The following ZNF804B variants were observed in gnomAD, a reference collection of about 807,000 sequenced individuals.
ZNF804B encodes the protein zinc finger protein 804B, also known as zinc finger 804B.
Under a neutral mutation model 101.4 loss-of-function variants are expected in ZNF804B, and 80 were observed. The observed-to-expected ratio is 0.79, with a 90% CI of 0.66 to 0.95. ZNF804B has a LOEUF of 0.95. ZNF804B is among the 40% of genes least tolerant of loss of function. The probability of loss-of-function intolerance (pLI) is 0.00; values close to 1 mark genes in which losing one functional copy is unlikely to be tolerated. For synonymous variants in ZNF804B, 622 were observed against 558.8 expected, an observed-to-expected ratio of 1.11 and a Z score of -1.59; for missense variants, 1,673 against 1,561.9, an observed-to-expected ratio of 1.07 and a Z score of -1.20.
chr7:88,972,716 C>G (rs1793555606), intron 1 of ZNF804B, among the ~76,000 whole-genome samples: 1 of 150,956 alleles, frequency 6.6e-6, no homozygotes, highest in Non-Finnish European at 1.5e-5. Context: ...GAGTGATAAT[C>G]TCTACACTAT....
chr7:89,063,489 A>G (rs975803698), intron 1 of ZNF804B, among the ~76,000 whole-genome samples: 2 of 152,180 alleles, frequency 1.3e-5, no homozygotes, highest in Non-Finnish European at 1.5e-5. Flanking sequence ...GTATCATGCT[A>G]TGCAGAACTC....
At chr7:89,086,248 C>G (rs779821486) in intron 1 of ZNF804B, among the ~76,000 whole-genome samples, 1 of 151,860 alleles carries the variant, frequency 6.6e-6, no homozygotes, top group African/African-American at 2.4e-5. Context: ...CTGGGGATAA[C>G]AGAAAAGTAA....
At chr7:88,874,095 C>T (rs1415624085) in intron 1 of ZNF804B, among the ~76,000 whole-genome samples, 3 of 152,112 alleles carry the variant, frequency 2.0e-5, no homozygotes, top group South Asian at 4.1e-4. Flanking sequence ...ATTCTTCCTA[C>T]CCATGAGCAT....
intron 1 of ZNF804B, among the ~76,000 whole-genome samples, chr7:89,207,245 A>G (rs905944359): frequency 6.6e-6 from 1 of 152,226 alleles, no homozygotes; most frequent in African/African-American, 2.4e-5. Context: ...TAATAAAGAC[A>G]TACCTAAGAC....
In ZNF804B at chr7:89,336,845, C is replaced by T; in HGVS notation, c.3863C>T (p.Pro1288Leu). Residue 1288 changes from proline to leucine, a missense_variant, in exon 4 of 4, where the codon CCT becomes CTT. Physicochemically the swap from Pro to Leu is moderately conservative, Grantham distance 98 (BLOSUM62 -3). Coordinates refer to ENST00000333190, the MANE Select transcript of ZNF804B (RefSeq NM_181646.5). ...PSHITLQPLPPTAFIPTLFGP... is the reference protein window; with the variant it reads ...PSHITLQPLPLTAFIPTLFGP... Reference sequence around the variant, plus strand: ...CACATAACACTTCAGCCTCTGCCCCCTACAGCATTTATTCCTACATTGTTT... The same window carrying T: ...CACATAACACTTCAGCCTCTGCCCCTTACAGCATTTATTCCTACATTGTTT... 6.2e-7 allele frequency: 1 copy of T among 1,614,136 alleles called. No individual in the cohort carries two copies. The highest frequency in any genetic ancestry group is 8.5e-7 in the Non-Finnish European group (1 of 1,180,016).
At chr7:88,789,719 T>C (rs1047948442) in intron 1 of ZNF804B, among the ~76,000 whole-genome samples, 7 of 152,122 alleles carry the variant, frequency 4.6e-5, no homozygotes, top group Non-Finnish European at 5.9e-5. Flanking sequence ...TACTTGGCTA[T>C]GTGAGGTTGG....
At chr7:88,879,740 A>T (rs1424586669) in intron 1 of ZNF804B, among the ~76,000 whole-genome samples, 1 of 152,080 alleles carries the variant, frequency 6.6e-6, no homozygotes, top group East Asian at 1.9e-4. Context: ...GTGTAGGTAG[A>T]GTTAAAAGCC....
rs1789781791 is a variant in ZNF804B, at chr7:89,265,675, T to C, written c.249+47380T>C. On this transcript the variant is annotated intron_variant, in intron 2 of 3. Coordinates refer to ENST00000333190, the MANE Select transcript of ZNF804B (RefSeq NM_181646.5). ...GTAATCTCAAAATAAAATGACGCAG[T>C]TTAAAACAATAACAATTATTCAAAA... 2.0e-5 allele frequency among the ~76,000 whole-genome samples: 3 copies of C among 152,230 alleles called. 1 individual carries two copies. In the South Asian group the frequency reaches 6.2e-4, roughly 31 times the overall value.
intron 1 of ZNF804B, among the ~76,000 whole-genome samples, chr7:89,159,802 A>T (rs1791031688): frequency 1.3e-5 from 2 of 152,180 alleles, no homozygotes; most frequent in African/African-American, 4.8e-5. Flanking sequence ...TATGGTCTAC[A>T]GTCCTGCTTT....
intron 1 of ZNF804B, among the ~76,000 whole-genome samples, chr7:89,083,433 TATA>T (rs199837987): frequency 0.034 from 5,219 of 151,924 alleles, 133 homozygotes; most frequent in Non-Finnish European, 0.049. Flanking sequence ...GGGGAATGTC[TATA>T]ATGTTAGTGG....
At chr7:89,196,073 C>A (rs1044496343) in intron 1 of ZNF804B, among the ~76,000 whole-genome samples, 1 of 151,768 alleles carries the variant, frequency 6.6e-6, no homozygotes, top group African/African-American at 2.4e-5. Flanking sequence ...CATATGGAAC[C>A]AAAAAAAGAG....
chr7:89,267,127 C>T (rs570697301), intron 2 of ZNF804B, among the ~76,000 whole-genome samples: 1 of 152,018 alleles, frequency 6.6e-6, no homozygotes, highest in South Asian at 2.1e-4. Context: ...CCTTATATTC[C>T]CTCCTTTTCA....
chr7:89,113,307 A>T (rs1349483714), intron 1 of ZNF804B, among the ~76,000 whole-genome samples: 5 of 152,230 alleles, frequency 3.3e-5, no homozygotes, highest in Admixed American at 3.3e-4. Flanking sequence ...CCTCAATGGC[A>T]TGCAATTTAC....
chr7:89,257,147 A>G (rs1789643502), intron 2 of ZNF804B, among the ~76,000 whole-genome samples: 1 of 152,144 alleles, frequency 6.6e-6, no homozygotes, highest in Admixed American at 6.6e-5. Context: ...GTTTAATTAA[A>G]AACACACTTA....
At chr7:89,297,635 T>A (rs1790404579) in intron 2 of ZNF804B, among the ~76,000 whole-genome samples, 1 of 152,054 alleles carries the variant, frequency 6.6e-6, no homozygotes, top group African/African-American at 2.4e-5. Flanking sequence ...TGATGTAGTT[T>A]CAGATTTACA....
At chr7:89,266,254 G>A (rs1789794239) in intron 2 of ZNF804B, among the ~76,000 whole-genome samples, 2 of 151,942 alleles carry the variant, frequency 1.3e-5, no homozygotes, top group East Asian at 1.9e-4. Flanking sequence ...TAGCACCAAG[G>A]TTTACTTATT....
chr7:89,098,741 A>C (rs1326208905), intron 1 of ZNF804B, among the ~76,000 whole-genome samples: 1 of 152,148 alleles, frequency 6.6e-6, no homozygotes, highest in Non-Finnish European at 1.5e-5. Context: ...CATCTTATCT[A>C]AAACTTGTCA....
intron 1 of ZNF804B, among the ~76,000 whole-genome samples, chr7:89,055,343 A>C (rs1584098321): frequency 6.6e-6 from 1 of 152,274 alleles, no homozygotes; most frequent in Middle Eastern, 3.4e-3. Context: ...CTGTAAGTTC[A>C]ATGAGAAGCC....
chr7:89,034,795 T>A (rs918558499), intron 1 of ZNF804B, among the ~76,000 whole-genome samples: 1 of 152,190 alleles, frequency 6.6e-6, no homozygotes, highest in Middle Eastern at 3.2e-3. Flanking sequence ...CAAATGGTAT[T>A]TCTGGTTGTA....
Sources: gnomAD v4.1 joint callset for allele counts (sites outside exome capture counted in the v4.1 genomes callset) on GRCh38, gnomAD v4.1.1 for gene constraint, MANE v1.5 for transcripts, NCBI Gene and HGNC (gene_info 2026-07-23, HGNC 2026-07-21) for gene names.